Variants in OR51B5 observed in about 807,000 individuals in gnomAD.
The protein encoded by OR51B5 is olfactory receptor family 51 subfamily B member 5.
For missense variants in OR51B5, 456 were observed against 374.6 expected, an observed-to-expected ratio of 1.22 and a Z score of -1.79; for synonymous variants, 186 against 144.8, an observed-to-expected ratio of 1.28 and a Z score of -2.04.
chr11:5,402,655 T>C (rs1015144629), intron 1 of OR51B5: 1 of 471,296 alleles, frequency 2.1e-6, no homozygotes, highest in African/African-American at 2.0e-5. Context: ...TTGGTTGGCA[T>C]CCCAGGGCTG....
chr11:5,398,553 T>G (rs746972382), intron 1 of OR51B5, among the ~76,000 whole-genome samples: 1 of 152,090 alleles, frequency 6.6e-6, no homozygotes, highest in South Asian at 2.1e-4. Context: ...TTGTGGTGAG[T>G]GCACAAGCCC....
At chr11:5,392,792 G>A (rs1396433174) in intron 1 of OR51B5, 1 of 152,068 alleles carries the variant, frequency 6.6e-6, no homozygotes, top group Non-Finnish European at 1.5e-5. Context: ...GGCACCTGTA[G>A]TCCCAGCTAC....
rs968183689 is a variant in OR51B5, at chr11:5,350,590, TAA to T, written n.85-3682_85-3681del. Among the ~76,000 whole-genome samples, 5 of 150,472 alleles carry T rather than the reference TAA, an allele frequency of 3.3e-5. No homozygotes were observed. The South Asian group carries it at 1.1e-3, about 32-fold the overall frequency. ...CAAATCCCATCAGATTCCATAGTTTTAAAAAAAAAATTCTCCTTGATCTTGCC... is the reference window on the plus strand; with the variant it reads ...CAAATCCCATCAGATTCCATAGTTTTAAAAAAAATTCTCCTTGATCTTGCC... On this transcript the variant is annotated intron_variant and non_coding_transcript_variant, in intron 1 of 4. Transcript: ENST00000415970.
intron 1 of OR51B5, among the ~76,000 whole-genome samples, chr11:5,490,929 T>G (rs910950801): frequency 2.6e-5 from 4 of 152,262 alleles, no homozygotes; most frequent in African/African-American, 9.6e-5. Context: ...TATAAAGGTA[T>G]GCTAGATTTT....
intron 1 of OR51B5, among the ~76,000 whole-genome samples, chr11:5,435,432 G>A (rs368611588): frequency 6.6e-6 from 1 of 152,078 alleles, no homozygotes; most frequent in Non-Finnish European, 1.5e-5. Flanking sequence ...GTATGTACTT[G>A]TGTAATTATC....
chr11:5,473,887 G>C (rs1361792546), intron 1 of OR51B5, among the ~76,000 whole-genome samples: 1 of 149,822 alleles, frequency 6.7e-6, no homozygotes, highest in African/African-American at 2.5e-5. Context: ...GTGTAAATGT[G>C]TGCATGAGAA....
chr11:5,462,087 G>T (rs1851064285), intron 1 of OR51B5, among the ~76,000 whole-genome samples: 1 of 152,156 alleles, frequency 6.6e-6, no homozygotes, highest in South Asian at 2.1e-4. Flanking sequence ...CTGAACATAG[G>T]TTTAAGGTGT....
At chr11:5,488,707 A>G in intron 1 of OR51B5, 4 of 1,607,008 alleles carry the variant, frequency 2.5e-6, no homozygotes, top group Non-Finnish European at 3.4e-6. Context: ...GCCAGGAAGA[A>G]TGTCAGATTC....
At chr11:5,402,021 C>A (rs1311915153) in intron 1 of OR51B5, among the ~76,000 whole-genome samples, 5 of 148,366 alleles carry the variant, frequency 3.4e-5, no homozygotes, top group African/African-American at 7.4e-5. Flanking sequence ...CTTTTCTTTT[C>A]TCTTCCTTTT....
At position 5,489,257 on chromosome 11, in the gene OR51B5, A is replaced by T. The variant is rs1196832082; in HGVS notation, n.84+16312T>A. 3.7e-6 allele frequency: 6 copies of T among 1,613,898 alleles called. No homozygotes were observed. In the Admixed American group the frequency reaches 5.0e-5, roughly 13 times the overall value. On this transcript the variant is annotated intron_variant and non_coding_transcript_variant, in intron 1 of 4. Coordinates refer to the OR51B5 transcript ENST00000415970. The stretch of plus-strand genomic sequence containing the variant: ...GTCATGACACACACATACTGTGAGC[A>T]TATGGGCATTGCCCGACTGGCCTGT...
chr11:5,430,555 T>C (rs1486056599), intron 1 of OR51B5: 5 of 368,328 alleles, frequency 1.4e-5, no homozygotes, highest in Non-Finnish European at 2.7e-5. Context: ...TCCTTGTTCC[T>C]ATTCCTCCTC....
chr11:5,461,452 G>A (rs1020552777), intron 1 of OR51B5, among the ~76,000 whole-genome samples: 1 of 152,150 alleles, frequency 6.6e-6, no homozygotes, highest in Admixed American at 6.5e-5. Flanking sequence ...CCTGGGAGAG[G>A]CTGGCAGACT....
intron 1 of OR51B5, among the ~76,000 whole-genome samples, chr11:5,505,104 A>G (rs911037309): frequency 4.6e-5 from 7 of 152,178 alleles, no homozygotes; most frequent in African/African-American, 1.7e-4. Flanking sequence ...ATTTCTTCCC[A>G]TTAGGTGTTT....
upstream of OR51B5, among the ~76,000 whole-genome samples, chr11:5,345,360 GA>G (rs1848975250): frequency 6.6e-6 from 1 of 151,840 alleles, no homozygotes; most frequent in Admixed American, 6.6e-5. Context: ...AGAAGCAGGG[GA>G]AATGAAAAAA....
At chr11:5,465,140 A>G in intron 1 of OR51B5, among the ~76,000 whole-genome samples, 1 of 125,550 alleles carries the variant, frequency 8.0e-6, no homozygotes, top group Non-Finnish European at 1.6e-5. Flanking sequence ...CGGGAGGCGG[A>G]GCTTGCAGTG....
At chr11:5,419,823 G>T (rs1477376792) in intron 1 of OR51B5, among the ~76,000 whole-genome samples, 1 of 151,620 alleles carries the variant, frequency 6.6e-6, no homozygotes, top group Non-Finnish European at 1.5e-5. Flanking sequence ...TTTTTCCAAG[G>T]GTCATTATTA....
intron 1 of OR51B5, chr11:5,390,539 T>A: frequency 1.6e-6 from 1 of 615,620 alleles, no homozygotes; most frequent in Non-Finnish European, 2.7e-6. Flanking sequence ...TTTAAAAAAC[T>A]GAACTTCTCT....
chr11:5,410,845 AAAAC>A (rs1388702955), intron 1 of OR51B5, among the ~76,000 whole-genome samples: 2 of 152,180 alleles, frequency 1.3e-5, no homozygotes, highest in Non-Finnish European at 2.9e-5. Flanking sequence ...TTAAAAAGTA[AAAAC>A]AAATACATAA....
intron 1 of OR51B5, among the ~76,000 whole-genome samples, chr11:5,443,572 ACT>A (rs1207734158): frequency 3.7e-4 from 56 of 151,386 alleles, no homozygotes; most frequent in Non-Finnish European, 8.8e-5. Context: ...AAATAAAAAG[ACT>A]CTTCTAAGAA....
Sources: gnomAD v4.1 joint callset for allele counts (sites outside exome capture counted in the v4.1 genomes callset) on GRCh38, gnomAD v4.1.1 for gene constraint, MANE v1.5 for transcripts, NCBI Gene and HGNC (gene_info 2026-07-23, HGNC 2026-07-21) for gene names.